TTC9C: variants seen among roughly 807,000 people sequenced by gnomAD.
TTC9C encodes the protein tetratricopeptide repeat domain 9C.
TTC9C carries 15 observed loss-of-function variants against 22.5 expected under a neutral mutation model. The ratio of observed to expected loss-of-function variants is 0.67; its 90% confidence interval spans 0.45 to 1.03. The LOEUF (loss-of-function observed/expected upper bound fraction) is 1.03, where lower values mean the gene tolerates loss of function less well. TTC9C is among the 50% of genes least tolerant of loss of function. The pLI, the probability that TTC9C is intolerant of heterozygous loss-of-function variation, is 0.00. For synonymous variants in TTC9C, 92 were observed against 86.8 expected, an observed-to-expected ratio of 1.06 and a Z score of -0.33; for missense variants, 244 against 214.6, an observed-to-expected ratio of 1.14 and a Z score of -0.86.
At chr11:62,732,703 G>A (rs750700244) in intron 1 of TTC9C, among the ~76,000 whole-genome samples, 11 of 151,956 alleles carry the variant, frequency 7.2e-5, no homozygotes, top group Non-Finnish European at 1.6e-4. Context: ...GGCAGATCAC[G>A]AGGTCAGGAG....
intron 1 of TTC9C, 83 bp downstream of exon 1, chr11:62,729,169 CT>C (rs34615969): frequency 0.16 from 139,887 of 880,220 alleles, 1 homozygote; most frequent in East Asian, 0.24. Context: ...AAAACGCTGA[CT>C]TTTTTTTTTT....
chr11:62,731,212 A>G (rs565550497), intron 1 of TTC9C, among the ~76,000 whole-genome samples: 1 of 150,860 alleles, frequency 6.6e-6, no homozygotes, highest in East Asian at 1.9e-4. Flanking sequence ...TTATACACTT[A>G]ATGTCCAAAG....
Position 62,728,975 on chromosome 11 carries a change from C to T in TTC9C, c.127C>T (p.Pro43Ser). The T allele has an allele frequency of 6.2e-7, 1 of 1,614,124 alleles. No individual in the cohort carries two copies. The highest frequency in any genetic ancestry group is 1.1e-5 in the South Asian group (1 of 91,072). Reference sequence around the variant, plus strand: ...TCTGCTTCAGCTGCGGGGTCTGGATCCGAGTCTGCCCTCTCCGTTACCTAA... The same window carrying T: ...TCTGCTTCAGCTGCGGGGTCTGGATTCGAGTCTGCCCTCTCCGTTACCTAA... Reference protein sequence around the residue: ...RALLQLRGLDPSLPSPLPNLG... With the variant: ...RALLQLRGLDSSLPSPLPNLG... Residue 43 changes from proline to serine, a missense_variant, in exon 1 of 3, where the codon CCG (proline) becomes TCG (serine). Pro to Ser is a moderately conservative substitution (Grantham distance 74). Transcript: ENST00000316461.
chr11:62,738,020 G>A (rs961888047), intron 2 of TTC9C, among the ~76,000 whole-genome samples: 4 of 151,994 alleles, frequency 2.6e-5, no homozygotes, highest in African/African-American at 4.8e-5. Context: ...GTGACAGAGC[G>A]AGACCCTGTC....
chr11:62,728,459 G>A, upstream of TTC9C: 3 of 467,180 alleles, frequency 6.4e-6, no homozygotes, highest in South Asian at 1.5e-5. Context: ...GTCGGGGGGG[G>A]GCGGGTCCAA....
Position 62,728,937 on chromosome 11 carries a change from G to C in TTC9C, c.89G>C (p.Arg30Thr), listed in dbSNP as rs1193627598. Residue 30 changes from arginine (R) to threonine (T), a missense_variant, in exon 1 of 3, where the codon AGG becomes ACG. Arg to Thr is a moderately conservative substitution (Grantham distance 71). Transcript: ENST00000316461. The part of the protein sequence containing the change: ...REGKYRDAVS[R>T]YHRALLQLRG... ...GGGAAGTACCGAGATGCTGTGAGTA[G>C]GTACCATCGAGCTCTGCTTCAGCTG... 1.9e-6 allele frequency: 3 copies of C among 1,614,196 alleles called. No homozygotes were observed. Among genetic ancestry groups the C allele is most frequent in the Non-Finnish European group, 2.5e-6 (3 of 1,180,036 alleles).
Position 62,728,785 on chromosome 11 carries a change from C to T in TTC9C, c.-64C>T, listed in dbSNP as rs200038016. 594 of 1,554,024 alleles carry T rather than the reference C, an allele frequency of 3.8e-4. No individual in the cohort carries two copies. The highest frequency in any genetic ancestry group is 4.8e-4 in the Non-Finnish European group (539 of 1,127,044). On this transcript the variant is annotated 5_prime_UTR_variant, in exon 1 of 3. Transcript: ENST00000316461. ...GGCTGCTACTGTCAGTTATTTTGCT[C>T]CCAACCCCAGAGCTTCACTTGCTCC... is the stretch of plus-strand genomic sequence containing the variant.
chr11:62,733,110 T>A (rs1282806048), intron 1 of TTC9C: 5 of 1,282,714 alleles, frequency 3.9e-6, no homozygotes, highest in Non-Finnish European at 5.1e-6. Flanking sequence ...TATGTTTAAT[T>A]CCCACAGTTG....
At chr11:62,732,285 G>A (rs2083860319) in intron 1 of TTC9C, among the ~76,000 whole-genome samples, 1 of 152,082 alleles carries the variant, frequency 6.6e-6, no homozygotes, top group African/African-American at 2.4e-5. Context: ...GTGAGCCACT[G>A]CGTCCAGCCT....
At position 62,735,420 on chromosome 11, in the gene TTC9C, G is replaced by A; in HGVS notation, c.277G>A (p.Val93Met). ...LQMEPVNYERVREYSQKVLER... is the reference protein window; with the variant it reads ...LQMEPVNYERMREYSQKVLER... Reference sequence around the variant, plus strand: ...GATGGAGCCCGTGAACTACGAACGAGTGAGAGAATATAGTCAGAAAGTCCT... The same window carrying A: ...GATGGAGCCCGTGAACTACGAACGAATGAGAGAATATAGTCAGAAAGTCCT... Residue 93 changes from valine (V) to methionine (M), a missense_variant, in exon 2 of 3, where the codon GTG becomes ATG. Coordinates refer to ENST00000316461, the MANE Select transcript of TTC9C (RefSeq NM_173810.4). The A allele has an allele frequency of 6.2e-7, 1 of 1,614,174 alleles. No homozygotes were observed. The highest frequency in any genetic ancestry group is 8.5e-7 in the Non-Finnish European group (1 of 1,180,024).
Position 62,728,981 on chromosome 11 carries a change from C to G in TTC9C, c.133C>G (p.Leu45Val). 1 of 1,614,150 alleles carries G rather than the reference C, an allele frequency of 6.2e-7. No individual in the cohort carries two copies. The highest frequency in any genetic ancestry group is 8.5e-7 in the Non-Finnish European group (1 of 1,180,032). ...LLQLRGLDPS[L>V]PSPLPNLGPQ... The stretch of plus-strand genomic sequence containing the variant: ...TCAGCTGCGGGGTCTGGATCCGAGT[C>G]TGCCCTCTCCGTTACCTAATCTCGG... Residue 45 changes from leucine to valine, a missense_variant, in exon 1 of 3, where the codon CTG (leucine) becomes GTG (valine). Transcript: ENST00000316461.
chr11:62,738,556 A>G lies in TTC9C; in HGVS notation c.*174A>G, dbSNP rs1161922084. 3.8e-6 allele frequency: 2 copies of G among 524,468 alleles called. No homozygotes were observed. The highest frequency in any genetic ancestry group is 3.4e-5 in the Admixed American group (1 of 29,458). 32.5% of individuals were successfully genotyped at this position (524,468 alleles called of 1,614,324 possible). On this transcript the variant is annotated 3_prime_UTR_variant, in exon 3 of 3. Coordinates refer to ENST00000316461, the MANE Select transcript of TTC9C (RefSeq NM_173810.4). ...AGACAGTCTGAGTCTTTTTCTGTCT[A>G]TCCATCTGTTTATTTCTATACCTTT...
chr11:62,733,096 A>C, intron 1 of TTC9C: 1 of 1,258,892 alleles, frequency 7.9e-7, no homozygotes, highest in Non-Finnish European at 1.0e-6. Flanking sequence ...TGATTTAATA[A>C]TACTATGTTT....
chr11:62,735,250 A>G lies in TTC9C; in HGVS notation c.239-132A>G, dbSNP rs188045976. The stretch of plus-strand genomic sequence containing the variant: ...CCCAGTGTGTAGAAGAGTGTCTGGC[A>G]TATGGGAGACACTTTAGCATTTGTT... On this transcript the variant is annotated intron_variant, in intron 1 of 2. Coordinates refer to ENST00000316461, the MANE Select transcript of TTC9C (RefSeq NM_173810.4). 38 of 1,222,720 alleles carry G rather than the reference A, an allele frequency of 3.1e-5. No individual in the cohort carries two copies. In the East Asian group the frequency reaches 4.6e-4, roughly 15 times the overall value. The allele number at this position is 1,222,720 out of a possible 1,614,324, so 75.7% of individuals were successfully genotyped here.
At chr11:62,735,234 T>C in intron 1 of TTC9C, 148 bp from the exon 2 acceptor site, 1 of 1,053,856 alleles carries the variant, frequency 9.5e-7, no homozygotes, top group African/African-American at 1.6e-5. Flanking sequence ...CCCCAGTGTG[T>C]AGAAGAGTGT....
intron 1 of TTC9C, among the ~76,000 whole-genome samples, chr11:62,731,197 C>T (rs2083844881): frequency 1.3e-5 from 2 of 152,062 alleles, no homozygotes; most frequent in Non-Finnish European, 2.9e-5. Flanking sequence ...CCCAAACTGG[C>T]CCTTTTATAC....
chr11:62,737,539 C>T (rs2083926062), intron 2 of TTC9C, among the ~76,000 whole-genome samples: 1 of 152,032 alleles, frequency 6.6e-6, no homozygotes, highest in Non-Finnish European at 1.5e-5. Context: ...AGCAGAGTCA[C>T]CAAATGTATA....
rs947060136 is a variant in TTC9C at position 62,735,482 on chromosome 11, G to T, written c.339G>T (p.Arg113=). 21 of 1,614,082 alleles carry T rather than the reference G, an allele frequency of 1.3e-5. No individual in the cohort carries two copies. The highest frequency in any genetic ancestry group is 1.7e-5 in the Admixed American group (1 of 59,990). The part of the protein sequence containing the change: ...RQPDNAKALY[R]AGVAFFHLQD... Reference sequence around the variant, plus strand: ...CTGATAATGCCAAGGCCTTGTATCGGGCCGGAGTGGCCTTTTTCCATCTGC... The same window carrying T: ...CTGATAATGCCAAGGCCTTGTATCGTGCCGGAGTGGCCTTTTTCCATCTGC... The change falls in exon 2 of 3, where the codon CGG becomes CGT. Residue 113 remains arginine (R), a synonymous_variant. Transcript: ENST00000316461.
chr11:62,736,817 G>A (rs557603083), intron 2 of TTC9C, among the ~76,000 whole-genome samples: 3 of 151,014 alleles, frequency 2.0e-5, no homozygotes, highest in Admixed American at 6.6e-5. Flanking sequence ...AGATTGTGTC[G>A]CACTCTAGCC....
Sources: allele counts gnomAD v4.1 joint callset (sites outside exome capture counted in the v4.1 genomes callset), GRCh38; gene constraint gnomAD v4.1.1; transcripts MANE v1.5; gene names NCBI Gene and HGNC (gene_info 2026-07-23, HGNC 2026-07-21).